Variants in SLFN11 observed in about 807,000 individuals in gnomAD.
SLFN11 encodes schlafen family member 11.
Under a neutral mutation model 53.4 loss-of-function variants are expected in SLFN11, and 43 were observed. The observed-to-expected ratio is 0.80, with a 90% confidence interval of 0.63 to 1.04. SLFN11 has a LOEUF of 1.04. SLFN11 is among the 50% of genes least tolerant of loss of function. The pLI is 0.00. For synonymous variants in SLFN11, 389 were observed against 394.7 expected (o/e 0.99, Z 0.17); for missense variants, 990 against 1,079.1 (o/e 0.92, Z 1.16).
intron 5 of SLFN11, chr17:35,359,963 C>T (rs1229929214): frequency 6.4e-6 from 2 of 311,584 alleles, no homozygotes; most frequent in South Asian, 3.9e-5. Context: ...TAAAAATGAC[C>T]AGAAACACTG....
At chr17:35,362,394 T>C (rs1404688928) in intron 4 of SLFN11, among the ~76,000 whole-genome samples, 9 of 152,166 alleles carry the variant, frequency 5.9e-5, no homozygotes, top group Non-Finnish European at 1.5e-5. Flanking sequence ...TAATTTTTAG[T>C]AATAACTATG....
intron 5 of SLFN11, 187 bp downstream of exon 5, chr17:35,360,056 T>C: frequency 1.8e-6 from 1 of 558,292 alleles, no homozygotes; most frequent in Non-Finnish European, 3.1e-6. Flanking sequence ...TGGTCCTGCC[T>C]TAGCCAGTGG....
chr17:35,369,604 C>G (rs908360080), intron 1 of SLFN11, among the ~76,000 whole-genome samples: 1 of 151,922 alleles, frequency 6.6e-6, no homozygotes, highest in African/African-American at 2.4e-5. Flanking sequence ...AAAAGATAAA[C>G]AAAATTGACA....
chr17:35,369,839 C>A (rs1256971243), intron 1 of SLFN11, among the ~76,000 whole-genome samples: 3 of 152,022 alleles, frequency 2.0e-5, no homozygotes, highest in Non-Finnish European at 2.9e-5. Flanking sequence ...CCCGCACAAA[C>A]CAATAAGAAG....
At chr17:35,371,238 T>C (rs996541431) in intron 1 of SLFN11, among the ~76,000 whole-genome samples, 4 of 152,036 alleles carry the variant, frequency 2.6e-5, no homozygotes, top group Admixed American at 1.3e-4. Flanking sequence ...TTCTCTTCAA[T>C]AAATGGCACT....
In SLFN11 at chr17:35,360,251, A is replaced by G; in HGVS notation, c.1190T>C (p.Leu397Ser). The G allele has an allele frequency of 6.2e-7, 1 of 1,610,422 alleles. No homozygotes were observed. The highest frequency in any genetic ancestry group is 1.1e-5 in the South Asian group (1 of 90,136). The change falls in exon 5 of 7, where the codon TTA becomes TCA. Residue 397 changes from leucine to serine, a missense_variant. By Grantham distance (145) the Leu-to-Ser change is moderately radical. This residue lies in a region of SLFN11 where 521 missense variants were observed against 516.2 expected (regional missense o/e 1.01). Transcript: ENST00000685675. ...LEHKKELQQL[L>S]FSVPPGYLRY... ...AGACAAACCATAATTACCTGAAAAT[A>G]AAAGTTGCTGGAGTTCCTTTTTATG...
intron 5 of SLFN11, among the ~76,000 whole-genome samples, chr17:35,359,381 T>A (rs1907910485): frequency 6.6e-6 from 1 of 152,120 alleles, no homozygotes; most frequent in Admixed American, 6.5e-5. Flanking sequence ...GAAATTCTAA[T>A]GGGGGCAGTC....
rs1908396583 is a variant in SLFN11 at position 35,362,797 on chromosome 17, C to T, written c.1011G>A (p.Lys337=). ...EAPNSWIVED[K]YVCSLTTEKW... The stretch of plus-strand genomic sequence containing the variant: ...TCTCGGTTGTCAGGCTGCAGACGTA[C>T]TTGTCCTCCACTATCCATGAATTGG... Residue 337 remains lysine (K), a synonymous_variant, in exon 4 of 7, where the codon AAG becomes AAA. Transcript: ENST00000685675. 1.2e-6 allele frequency: 2 copies of T among 1,607,290 alleles called. No individual in the cohort carries two copies. Among genetic ancestry groups the T allele is most frequent in the South Asian group, 1.1e-5 (1 of 90,512 alleles).
Position 35,363,436 on chromosome 17 carries a change from GC to G in SLFN11, c.371del (p.Arg124ProfsTer29). On this transcript the variant is annotated frameshift_variant, in exon 4 of 7. Coordinates refer to ENST00000685675, the MANE Select transcript of SLFN11 (RefSeq NM_001376007.1). LOFTEE classifies it high-confidence loss of function. ...PFPEDRSVKP[R>X]LCSLSSSLYR... ...ATAATGAAGAACTGAGGCTGCAAAGGCGGGGCTTGACAGAGCGATCTTCAGG... is the reference window on the plus strand; with the variant it reads ...ATAATGAAGAACTGAGGCTGCAAAGGGGGGCTTGACAGAGCGATCTTCAGG... The G allele has an allele frequency of 6.2e-7, 1 of 1,613,974 alleles. No homozygotes were observed. Among genetic ancestry groups the G allele is most frequent in the South Asian group, 1.1e-5 (1 of 91,076 alleles).
chr17:35,352,616 C>A lies in SLFN11; in HGVS notation c.2446G>T (p.Ala816Ser), dbSNP rs147085136. The A allele has an allele frequency of 3.1e-6, 5 of 1,614,174 alleles. No homozygotes were observed. Among genetic ancestry groups the A allele is most frequent in the Non-Finnish European group, 4.2e-6 (5 of 1,180,036 alleles). ...TACTTATAGTGCTCCACTTCTTTTG[C>A]GGTGCTGACAAGCACAGCAACATCC... ...PKDVAVLVST[A>S]KEVEHYKYEL... The change falls in exon 7 of 7, where the codon GCA becomes TCA. Residue 816 changes from alanine to serine, a missense_variant. By Grantham distance (99) the Ala-to-Ser change is moderately conservative. Coordinates refer to ENST00000685675, the MANE Select transcript of SLFN11 (RefSeq NM_001376007.1).
chr17:35,360,893 C>A (rs776288310), intron 4 of SLFN11, among the ~76,000 whole-genome samples: 1 of 152,052 alleles, frequency 6.6e-6, no homozygotes, highest in Non-Finnish European at 1.5e-5. Flanking sequence ...TCACTTGAGC[C>A]CAGGAGTTCA....
intron 4 of SLFN11, among the ~76,000 whole-genome samples, chr17:35,361,925 A>T (rs1024336638): frequency 6.6e-6 from 1 of 151,964 alleles, no homozygotes; most frequent in Non-Finnish European, 1.5e-5. Flanking sequence ...TTCTATTTTT[A>T]GTAGAGACGG....
In SLFN11 at chr17:35,354,021, A is replaced by G; in HGVS notation, c.1237T>C (p.Trp413Arg). 6.2e-7 allele frequency: 1 copy of G among 1,613,650 alleles called. No individual in the cohort carries two copies. The highest frequency in any genetic ancestry group is 8.5e-7 in the Non-Finnish European group (1 of 1,179,752). The change falls in exon 6 of 7, where the codon TGG (tryptophan) becomes CGG (arginine). Residue 413 changes from tryptophan to arginine, a missense_variant. Physicochemically the swap from Trp to Arg is moderately radical, Grantham distance 101. Coordinates refer to ENST00000685675, the MANE Select transcript of SLFN11 (RefSeq NM_001376007.1). Reference sequence around the variant, plus strand: ...CTGTGCTCTGAGATCAGGTCCCTCCAGAGTGACTCTGGAGTATATCGCAAA... The same window carrying G: ...CTGTGCTCTGAGATCAGGTCCCTCCGGAGTGACTCTGGAGTATATCGCAAA... Reference protein sequence around the residue: ...GYLRYTPESLWRDLISEHRGL... With the variant: ...GYLRYTPESLRRDLISEHRGL...
rs749172838 is a variant in SLFN11 at position 35,363,656 on chromosome 17, C to T, written c.152G>A (p.Cys51Tyr). 1.2e-6 allele frequency: 2 copies of T among 1,613,908 alleles called. No individual in the cohort carries two copies. Among genetic ancestry groups the T allele is most frequent in the Non-Finnish European group, 1.7e-6 (2 of 1,179,934 alleles). The stretch of plus-strand genomic sequence containing the variant: ...TCCTCCTCCTGAGTTTAATAAAGCA[C>T]ATGCAGCCCGCATAACTCTCTCCTT... ...QEKERVMRAA[C>Y]ALLNSGGGVI... The change falls in exon 4 of 7, where the codon TGT becomes TAT. Residue 51 changes from cysteine (C) to tyrosine (Y), a missense_variant. Physicochemically the swap from Cys to Tyr is radical, Grantham distance 194. Coordinates refer to ENST00000685675, the MANE Select transcript of SLFN11 (RefSeq NM_001376007.1).
chr17:35,359,154 G>A (rs1428746760), intron 5 of SLFN11, among the ~76,000 whole-genome samples: 1 of 151,936 alleles, frequency 6.6e-6, no homozygotes, highest in Non-Finnish European at 1.5e-5. Flanking sequence ...AGAATAATAG[G>A]CTGTTCCTCT....
At chr17:35,356,626 C>T (rs1328134830) in intron 5 of SLFN11, among the ~76,000 whole-genome samples, 1 of 152,036 alleles carries the variant, frequency 6.6e-6, no homozygotes, top group Non-Finnish European at 1.5e-5. Flanking sequence ...ATGCACAATT[C>T]CTTATTCTTT....
At chr17:35,361,293 G>A (rs1485463134) in intron 4 of SLFN11, among the ~76,000 whole-genome samples, 1 of 152,136 alleles carries the variant, frequency 6.6e-6, no homozygotes, top group Non-Finnish European at 1.5e-5. Context: ...GAGCAGAGGG[G>A]TAGAGCAGAT....
chr17:35,368,091 A>G (rs115821812), intron 1 of SLFN11, among the ~76,000 whole-genome samples: 1 of 151,996 alleles, frequency 6.6e-6, no homozygotes, highest in Non-Finnish European at 1.5e-5. Context: ...TCAAATTGTC[A>G]AGTAGTGCCC....
chr17:35,372,256 T>A (rs1381197329), intron 1 of SLFN11, among the ~76,000 whole-genome samples: 1 of 152,078 alleles, frequency 6.6e-6, no homozygotes, highest in Non-Finnish European at 1.5e-5. Context: ...CACTTATTTG[T>A]GGCATCTAAA....
Sources: allele counts gnomAD v4.1 joint callset (sites outside exome capture counted in the v4.1 genomes callset), GRCh38; gene constraint gnomAD v4.1.1; regional missense constraint gnomAD v4.1.1; transcripts MANE v1.5; gene names NCBI Gene and HGNC (gene_info 2026-07-23, HGNC 2026-07-21).